ZNF253: variants seen among roughly 807,000 people sequenced by gnomAD.
ZNF253 encodes DNA-binding protein.
Under a neutral mutation model 11.9 loss-of-function variants are expected in ZNF253, and 8 were observed. The ratio of observed to expected loss-of-function variants is 0.67; its 90% CI spans 0.40 to 1.22. The LOEUF (loss-of-function observed/expected upper bound fraction) is 1.22. Ranked by LOEUF, ZNF253 falls within the 50% of genes most tolerant of loss-of-function variation. The pLI, the probability that ZNF253 is intolerant of heterozygous loss-of-function variation, is 0.01. For synonymous variants in ZNF253, 194 were observed against 194.9 expected (o/e 1.00, Z 0.04); for missense variants, 485 against 586.9 (o/e 0.83, Z 1.79).
At chr19:19,888,391 C>A (rs1036691983) in intron 3 of ZNF253, among the ~76,000 whole-genome samples, 1 of 151,108 alleles carries the variant, frequency 6.6e-6, no homozygotes, top group Non-Finnish European at 1.5e-5. Flanking sequence ...TTATTTGATT[C>A]TTTTATCTTT....
chr19:19,891,780 G>A lies in ZNF253; in HGVS notation c.533G>A (p.Gly178Asp), dbSNP rs373070574. 6 of 1,614,062 alleles carry A rather than the reference G, an allele frequency of 3.7e-6. No individual in the cohort carries two copies. In the African/African-American group the frequency reaches 6.7e-5, roughly 18 times the overall value. Residue 178 changes from glycine (G) to aspartate (D), a missense_variant, in exon 4 of 4, where the codon GGC becomes GAC. This residue lies in a region of ZNF253 where 218 missense variants were observed against 213.1 expected (regional missense o/e 1.02). Coordinates refer to ENST00000589717, the MANE Select transcript of ZNF253 (RefSeq NM_021047.3). Reference protein sequence around the residue: ...GINLFKCIICGKAFKRSSTLT... With the variant: ...GINLFKCIICDKAFKRSSTLT... Reference sequence around the variant, plus strand: ...AATCTTTTCAAATGTATAATATGTGGCAAAGCTTTTAAACGGTCCTCAACC... The same window carrying A: ...AATCTTTTCAAATGTATAATATGTGACAAAGCTTTTAAACGGTCCTCAACC...
chr19:19,878,960 A>G (rs1489874227), intron 2 of ZNF253, among the ~76,000 whole-genome samples: 2 of 152,236 alleles, frequency 1.3e-5, no homozygotes, highest in Non-Finnish European at 2.9e-5. Flanking sequence ...GCATAAATAT[A>G]TACATATACT....
At chr19:19,885,884 T>C (rs1201209287) in intron 3 of ZNF253, among the ~76,000 whole-genome samples, 1 of 152,238 alleles carries the variant, frequency 6.6e-6, no homozygotes, top group Non-Finnish European at 1.5e-5. Context: ...TGAAGTGTGT[T>C]TTATATTCAC....
intron 3 of ZNF253, among the ~76,000 whole-genome samples, chr19:19,884,623 T>C (rs971679041): frequency 2.0e-5 from 3 of 152,294 alleles, no homozygotes; most frequent in African/African-American, 7.2e-5. Flanking sequence ...CTGCCCACCT[T>C]GGCCTCCCAG....
chr19:19,880,068 C>G lies in ZNF253; in HGVS notation c.148C>G (p.Pro50Ala). ...LVFLGIVVSK[P>A]DLVTCLEQGK... The stretch of plus-strand genomic sequence containing the variant: ...TAAAACAGGTATTGTTGTCTCTAAG[C>G]CAGACCTGGTTACCTGTCTGGAGCA... Residue 50 changes from proline (P) to alanine (A), a missense_variant, in exon 3 of 4, where the codon CCA becomes GCA. Around this residue, in one of 3 missense-constraint regions of ZNF253, gnomAD observed 218 missense variants for 213.1 expected, o/e 1.02. Transcript: ENST00000589717. 5 of 1,605,446 alleles carry G rather than the reference C, an allele frequency of 3.1e-6. No individual in the cohort carries two copies. Among genetic ancestry groups the G allele is most frequent in the Non-Finnish European group, 4.2e-6 (5 of 1,176,692 alleles).
intron 3 of ZNF253, among the ~76,000 whole-genome samples, chr19:19,889,266 C>T (rs970386771): frequency 2.0e-5 from 3 of 148,912 alleles, no homozygotes; most frequent in African/African-American, 7.4e-5. Context: ...TCTTGTTTAT[C>T]CTCATTTTTC....
chr19:19,886,427 G>A (rs1175531237), intron 3 of ZNF253, among the ~76,000 whole-genome samples: 1 of 152,144 alleles, frequency 6.6e-6, no homozygotes, highest in East Asian at 1.9e-4. Context: ...TATAATATGG[G>A]TTGGATATTC....
chr19:19,866,022 C>T (rs202109785), intron 1 of ZNF253, 23 bp downstream of exon 1: 2 of 1,614,114 alleles, frequency 1.2e-6, no homozygotes, highest in Non-Finnish European at 8.5e-7. Flanking sequence ...TCCAACGTCC[C>T]GAGAGAGGGG....
At chr19:19,877,786 T>C (rs2063161562) in intron 1 of ZNF253, among the ~76,000 whole-genome samples, 1 of 152,218 alleles carries the variant, frequency 6.6e-6, no homozygotes, top group Non-Finnish European at 1.5e-5. Flanking sequence ...TTTTTTACAA[T>C]AGAGTTAATT....
chr19:19,879,302 T>C (rs1215051883), intron 2 of ZNF253, among the ~76,000 whole-genome samples: 1 of 152,206 alleles, frequency 6.6e-6, no homozygotes, highest in Non-Finnish European at 1.5e-5. Flanking sequence ...AAAATGCAAT[T>C]AGTATAATAT....
At position 19,872,354 on chromosome 19, in the gene ZNF253, TG is replaced by T. The variant is rs200004424; in HGVS notation, c.4-6124del. 9.7e-3 allele frequency among the ~76,000 whole-genome samples: 1,482 copies of T among 152,090 alleles called. 13 individuals are homozygous for T. The highest frequency in any genetic ancestry group is 0.029 in the South Asian group (138 of 4,820). ...ATTTTGAATCCAAGTTTTTGAGATT[TG>T]GGAAATAAAAAACTTTTATCTGACA... On this transcript the variant is annotated intron_variant, in intron 1 of 3. Transcript: ENST00000589717.
At chr19:19,889,013 T>C (rs2063217980) in intron 3 of ZNF253, among the ~76,000 whole-genome samples, 1 of 152,146 alleles carries the variant, frequency 6.6e-6, no homozygotes. Flanking sequence ...AATTCACTGG[T>C]TATCTTATAA....
intron 3 of ZNF253, among the ~76,000 whole-genome samples, chr19:19,885,486 G>A (rs1317900533): frequency 1.3e-5 from 2 of 151,516 alleles, no homozygotes; most frequent in Non-Finnish European, 2.9e-5. Flanking sequence ...TGCCTTCTGG[G>A]TTCACGCCAT....
chr19:19,891,803 A>T lies in ZNF253; in HGVS notation c.556A>T (p.Thr186Ser). Residue 186 changes from threonine (T) to serine (S), a missense_variant, in exon 4 of 4, where the codon ACC becomes TCC. By Grantham distance (58) the Thr-to-Ser change is moderately conservative. Around this residue, in one of 3 missense-constraint regions of ZNF253, gnomAD observed 218 missense variants for 213.1 expected, o/e 1.02. Coordinates refer to ENST00000589717, the MANE Select transcript of ZNF253 (RefSeq NM_021047.3). ...TGGCAAAGCTTTTAAACGGTCCTCA[A>T]CCCTTACTACACATAAGAAAATTCA... is the stretch of plus-strand genomic sequence containing the variant. ...ICGKAFKRSS[T>S]LTTHKKIHTG... 1 of 1,614,164 alleles carries T rather than the reference A, an allele frequency of 6.2e-7. No individual in the cohort carries two copies. Among genetic ancestry groups the T allele is most frequent in the Non-Finnish European group, 8.5e-7 (1 of 1,180,004 alleles).
chr19:19,883,928 A>G (rs555221275), intron 3 of ZNF253, among the ~76,000 whole-genome samples: 2 of 152,112 alleles, frequency 1.3e-5, no homozygotes, highest in African/African-American at 4.8e-5. Flanking sequence ...ATGGTGGCGC[A>G]TGCCTATAAT....
chr19:19,887,039 T>C (rs1343753829), intron 3 of ZNF253, among the ~76,000 whole-genome samples: 1 of 152,078 alleles, frequency 6.6e-6, no homozygotes, highest in Non-Finnish European at 1.5e-5. Flanking sequence ...AGATTCCTGC[T>C]AAATCAACTC....
chr19:19,887,988 G>A (rs548543895), intron 3 of ZNF253, among the ~76,000 whole-genome samples: 37 of 151,812 alleles, frequency 2.4e-4, no homozygotes, highest in African/African-American at 8.9e-4. Context: ...TTGAAAGTAT[G>A]TTTCTTGACT....
At chr19:19,865,832 A>C, upstream of ZNF253, 2 of 903,372 alleles carry the variant, frequency 2.2e-6, no homozygotes, top group Non-Finnish European at 3.7e-6. Flanking sequence ...GCTGGAGCGA[A>C]CCACATGGTT....
chr19:19,875,325 C>T (rs1599551716), intron 1 of ZNF253, among the ~76,000 whole-genome samples: 2 of 149,952 alleles, frequency 1.3e-5, no homozygotes, highest in South Asian at 4.1e-4. Context: ...CCAGTAGTTG[C>T]TCCTCAAGTC....
Sources: allele counts gnomAD v4.1 joint callset (sites outside exome capture counted in the v4.1 genomes callset), GRCh38; gene constraint gnomAD v4.1.1; regional missense constraint gnomAD v4.1.1; transcripts MANE v1.5; gene names NCBI Gene and HGNC (gene_info 2026-07-23, HGNC 2026-07-21).